SLC35F1: variants seen among roughly 807,000 people sequenced by gnomAD.
SLC35F1 encodes solute carrier family 35 member F1.
In SLC35F1, 14 loss-of-function variants were observed where a neutral mutation model predicts 48.7. The observed-to-expected ratio is 0.29, with a 90% CI of 0.19 to 0.45. The LOEUF (loss-of-function observed/expected upper bound fraction) is 0.45, where lower values mean the gene tolerates loss of function less well. Ranked by LOEUF, SLC35F1 falls within the 20% of genes least tolerant of loss-of-function variation. The probability of loss-of-function intolerance (pLI) is 1.00; values close to 1 mark genes in which losing one functional copy is unlikely to be tolerated. For synonymous variants in SLC35F1, 190 were observed against 202.2 expected, an observed-to-expected ratio of 0.94 and a Z score of 0.51; for missense variants, 404 against 500.0, an observed-to-expected ratio of 0.81 and a Z score of 1.83.
At chr6:118,210,944 T>C (rs1774993540) in intron 2 of SLC35F1, among the ~76,000 whole-genome samples, 1 of 152,210 alleles carries the variant, frequency 6.6e-6, no homozygotes, top group African/African-American at 2.4e-5. Context: ...AATGTGACTG[T>C]ATTTGAAGAC....
At chr6:117,953,769 T>C (rs1288945773) in intron 1 of SLC35F1, among the ~76,000 whole-genome samples, 1 of 152,186 alleles carries the variant, frequency 6.6e-6, no homozygotes, top group African/African-American at 2.4e-5. Flanking sequence ...TATGGGGAGA[T>C]TCACATCTAC....
chr6:118,064,282 G>T (rs1395610485), intron 1 of SLC35F1, among the ~76,000 whole-genome samples: 1 of 152,190 alleles, frequency 6.6e-6, no homozygotes, highest in Non-Finnish European at 1.5e-5. Context: ...AATTCAAGAT[G>T]AGATTTGGGT....
intron 7 of SLC35F1, among the ~76,000 whole-genome samples, chr6:118,298,358 T>A (rs1776217115): frequency 6.6e-6 from 1 of 152,120 alleles, no homozygotes; most frequent in Non-Finnish European, 1.5e-5. Context: ...ACATCTCTAA[T>A]GTCTTTACAT....
At chr6:118,128,898 A>G (rs902611062) in intron 1 of SLC35F1, among the ~76,000 whole-genome samples, 13 of 152,176 alleles carry the variant, frequency 8.5e-5, no homozygotes, top group Non-Finnish European at 1.2e-4. Flanking sequence ...TAAAGTTTTT[A>G]TCTTTGAAGC....
chr6:118,175,807 C>T (rs749418591), intron 2 of SLC35F1, among the ~76,000 whole-genome samples: 24 of 152,108 alleles, frequency 1.6e-4, no homozygotes, highest in Non-Finnish European at 2.9e-4. Context: ...CTTAGTTTGA[C>T]CAGGCACTTC....
chr6:117,923,683 A>ATG (rs1562238761), intron 1 of SLC35F1, among the ~76,000 whole-genome samples: 704 of 6,980 alleles, frequency 0.1, 210 homozygotes, highest in African/African-American at 0.21. Flanking sequence ...ATGTACATAT[A>ATG]TACATATGTA....
At chr6:118,018,934 A>G (rs1322152754) in intron 1 of SLC35F1, among the ~76,000 whole-genome samples, 4 of 152,188 alleles carry the variant, frequency 2.6e-5, no homozygotes, top group Admixed American at 6.5e-5. Context: ...CTTTGTGGCA[A>G]TAGTGCTTGA....
chr6:118,281,553 T>C (rs1775985080), intron 6 of SLC35F1, among the ~76,000 whole-genome samples: 1 of 152,186 alleles, frequency 6.6e-6, no homozygotes, highest in South Asian at 2.1e-4. Context: ...AACCATTGTT[T>C]CTCTCTGTGT....
At chr6:118,041,512 G>A (rs967927393) in intron 1 of SLC35F1, among the ~76,000 whole-genome samples, 1 of 152,164 alleles carries the variant, frequency 6.6e-6, no homozygotes, top group East Asian at 1.9e-4. Flanking sequence ...AGATATTGGA[G>A]ATATAGTGGT....
At chr6:117,972,118 TAA>T (rs1338927843) in intron 1 of SLC35F1, among the ~76,000 whole-genome samples, 1 of 152,238 alleles carries the variant, frequency 6.6e-6, no homozygotes, top group Non-Finnish European at 1.5e-5. Context: ...CCAGATACTT[TAA>T]GTCATCCCTC....
chr6:118,113,455 T>C (rs1387346954), intron 1 of SLC35F1, among the ~76,000 whole-genome samples: 2 of 152,114 alleles, frequency 1.3e-5, no homozygotes, highest in Non-Finnish European at 2.9e-5. Context: ...TGGTGGTGGA[T>C]GTTGATAAGA....
At chr6:117,964,654 T>C (rs1409662658) in intron 1 of SLC35F1, among the ~76,000 whole-genome samples, 1 of 152,204 alleles carries the variant, frequency 6.6e-6, no homozygotes, top group African/African-American at 2.4e-5. Flanking sequence ...TGGAGGACCC[T>C]GAGGGCTTCC....
chr6:118,134,007 AT>A (rs1773756073), intron 1 of SLC35F1, among the ~76,000 whole-genome samples: 1 of 152,226 alleles, frequency 6.6e-6, no homozygotes, highest in South Asian at 2.1e-4. Flanking sequence ...GACAGTCTGA[AT>A]ATAAATGCCA....
chr6:118,300,259 T>C (rs1365704670), intron 7 of SLC35F1, among the ~76,000 whole-genome samples: 1 of 152,216 alleles, frequency 6.6e-6, no homozygotes, highest in East Asian at 1.9e-4. Flanking sequence ...TAGTGGGTAT[T>C]ATATGTAATC....
chr6:117,967,215 G>A (rs1776582079), intron 1 of SLC35F1, among the ~76,000 whole-genome samples: 1 of 151,994 alleles, frequency 6.6e-6, no homozygotes, highest in Admixed American at 6.5e-5. Context: ...TGAAAAGAAT[G>A]AAAGGAAAAA....
chr6:118,232,229 T>C (rs1470622276), intron 2 of SLC35F1, among the ~76,000 whole-genome samples: 2 of 152,154 alleles, frequency 1.3e-5, no homozygotes, highest in African/African-American at 4.8e-5. Context: ...TAGGTAATTA[T>C]AAGACAGGAG....
rs1341259427 is a variant in SLC35F1 at position 118,203,733 on chromosome 6, T to A, written c.350-31776T>A. 2.0e-5 allele frequency among the ~76,000 whole-genome samples: 3 copies of A among 152,214 alleles called. No homozygotes were observed. In the East Asian group the frequency reaches 5.8e-4, roughly 29 times the overall value. Reference sequence around the variant, plus strand: ...TCTGTTACTCCTCACTGAATATCCATGTAATCCAAATTGCACTATGGCAAC... The same window carrying A: ...TCTGTTACTCCTCACTGAATATCCAAGTAATCCAAATTGCACTATGGCAAC... On this transcript the variant is annotated intron_variant, in intron 2 of 7. Coordinates refer to ENST00000360388, the MANE Select transcript of SLC35F1 (RefSeq NM_001029858.4).
chr6:118,235,462 T>C (rs763823855), intron 2 of SLC35F1, 47 bp from the exon 3 acceptor site: 1 of 1,551,290 alleles, frequency 6.4e-7, no homozygotes, highest in South Asian at 1.2e-5. Context: ...GTACAATTTA[T>C]TCTATTTCAG....
intron 1 of SLC35F1, among the ~76,000 whole-genome samples, chr6:118,007,958 G>C (rs550416248): frequency 6.6e-6 from 1 of 152,196 alleles, no homozygotes; most frequent in East Asian, 1.9e-4. Context: ...CATTTTTCTT[G>C]CTAGCTGTTG....
Sources: gnomAD v4.1 joint callset for allele counts (sites outside exome capture counted in the v4.1 genomes callset) on GRCh38, gnomAD v4.1.1 for gene constraint, MANE v1.5 for transcripts, NCBI Gene and HGNC (gene_info 2026-07-23, HGNC 2026-07-21) for gene names.